HEATR1: variants seen among roughly 807,000 people sequenced by gnomAD.
The protein encoded by HEATR1 is HEAT repeat-containing protein 1.
Under a neutral mutation model 248.2 loss-of-function variants are expected in HEATR1, and 77 were observed. The observed-to-expected ratio is 0.31, with a 90% confidence interval of 0.26 to 0.37. HEATR1 has a LOEUF of 0.37. HEATR1 is among the 10% of genes least tolerant of loss of function. The pLI, the probability that HEATR1 is intolerant of heterozygous loss-of-function variation, is 1.00. For missense variants in HEATR1, 2,420 were observed against 2,504.9 expected, an observed-to-expected ratio of 0.97 and a Z score of 0.72; for synonymous variants, 897 against 923.1, an observed-to-expected ratio of 0.97 and a Z score of 0.51.
At position 236,572,927 on chromosome 1, in the gene HEATR1, G is replaced by A. The variant is rs138741703; in HGVS notation, c.3460-99C>T. 22 of 1,091,406 alleles carry A rather than the reference G, an allele frequency of 2.0e-5. No individual in the cohort carries two copies. The East Asian group carries it at 5.2e-4, about 26-fold the overall frequency. The allele number at this position is 1,091,406 out of a possible 1,614,324, so 67.6% of individuals were successfully genotyped here. ...TAGGAAGGATTTATTCAATTAAGAG[G>A]GAAGAATGACTTACTGGATATGCAT... On this transcript the variant is annotated intron_variant, in intron 24 of 44. Coordinates refer to ENST00000366582, the MANE Select transcript of HEATR1 (RefSeq NM_018072.6).
At chr1:236,587,381 T>G (rs746330110) in intron 14 of HEATR1, 21 bp downstream of exon 14, 19 of 1,174,258 alleles carry the variant, frequency 1.6e-5, no homozygotes, top group South Asian at 1.6e-4. Flanking sequence ...CAAAATAGTA[T>G]GAGGAGAAAT....
chr1:236,561,506 G>GA (rs1663133411), intron 32 of HEATR1, among the ~76,000 whole-genome samples: 1 of 152,130 alleles, frequency 6.6e-6, no homozygotes, highest in African/African-American at 2.4e-5. Flanking sequence ...CAATGGTTCA[G>GA]AAAAATACAG....
intron 41 of HEATR1, among the ~76,000 whole-genome samples, chr1:236,554,954 C>A (rs1456941828): frequency 6.6e-6 from 1 of 152,212 alleles, no homozygotes; most frequent in Admixed American, 6.5e-5. Context: ...TTCTAACACT[C>A]ACTCTGGCAA....
At chr1:236,597,110 G>GC (rs1009842910) in intron 5 of HEATR1, 134 bp from the exon 6 acceptor site, 2 of 539,154 alleles carry the variant, frequency 3.7e-6, no homozygotes, top group African/African-American at 4.0e-5. Flanking sequence ...GGGCGACAAA[G>GC]CAAGTCCATG....
intron 17 of HEATR1, among the ~76,000 whole-genome samples, chr1:236,584,299 A>G (rs1393685210): frequency 1.3e-5 from 2 of 152,230 alleles, no homozygotes; most frequent in Admixed American, 6.5e-5. Context: ...AAAGTTAAGA[A>G]GGGCCTATCT....
Position 236,583,137 on chromosome 1 carries a change from C to T in HEATR1, c.2301G>A (p.Leu767=), listed in dbSNP as rs750562688. ...LMLDRGIPVE[L]WAHYVEELNS... ...TGAGCTCTTCTACATAATGTGCCCACAGCTCCACTGGGATCCCTCTGTCTA... is the reference window on the plus strand; with the variant it reads ...TGAGCTCTTCTACATAATGTGCCCATAGCTCCACTGGGATCCCTCTGTCTA... Residue 767 remains leucine (L), a synonymous_variant, in exon 18 of 45, where the codon CTG becomes CTA. Transcript: ENST00000366582. 5.0e-6 allele frequency: 8 copies of T among 1,613,968 alleles called. No individual in the cohort carries two copies. In the African/African-American group the frequency reaches 1.1e-4, roughly 22 times the overall value.
intron 28 of HEATR1, among the ~76,000 whole-genome samples, chr1:236,570,155 G>A (rs1327920096): frequency 1.3e-5 from 2 of 152,168 alleles, no homozygotes; most frequent in Admixed American, 6.5e-5. Flanking sequence ...CGGGCGTGGT[G>A]GCGGGTGCCT....
In HEATR1 at chr1:236,599,561, T is replaced by C. The variant is rs770576568; in HGVS notation, c.423A>G (p.Thr141=). ...LIACVLPYHE[T]RIFVRVIQLL... is the part of the protein sequence containing the mutation. Reference sequence around the variant, plus strand: ...GCTGTATGACTCGCACAAATATTCTTGTCTCGTGGTATGGCAGAACACAAG... The same window carrying C: ...GCTGTATGACTCGCACAAATATTCTCGTCTCGTGGTATGGCAGAACACAAG... Residue 141 remains threonine (T), a synonymous_variant, in exon 4 of 45, where the codon ACA becomes ACG. Coordinates refer to ENST00000366582, the MANE Select transcript of HEATR1 (RefSeq NM_018072.6). The C allele has an allele frequency of 6.2e-7, 1 of 1,613,698 alleles. No homozygotes were observed. Among genetic ancestry groups the C allele is most frequent in the African/African-American group, 1.3e-5 (1 of 74,920 alleles).
chr1:236,581,478 C>T (rs1022542879), intron 19 of HEATR1, 64 bp from the exon 20 acceptor site: 19 of 1,161,744 alleles, frequency 1.6e-5, no homozygotes, highest in Non-Finnish European at 2.3e-5. Context: ...TCCAAATCCT[C>T]TTCTCACTAG....
intron 12 of HEATR1, among the ~76,000 whole-genome samples, chr1:236,589,949 A>G (rs1439024610): frequency 3.9e-5 from 6 of 152,262 alleles, no homozygotes; most frequent in Admixed American, 3.9e-4. Flanking sequence ...GTAATTTGTA[A>G]TTTAGCAAAA....
rs571593618 is a variant in HEATR1, at chr1:236,550,576, C to T, written c.*326G>A. On this transcript the variant is annotated 3_prime_UTR_variant, in exon 45 of 45. Transcript: ENST00000366582. ...GTTAAGGCTTACAGTGCAAATGAGG[C>T]GTCAGCTTTGGGTGCTAAAATTAAC... is the stretch of plus-strand genomic sequence containing the variant. The T allele has an allele frequency of 1.1e-4, 26 of 239,720 alleles. No individual in the cohort carries two copies. The highest frequency in any genetic ancestry group is 3.5e-4 in the South Asian group (3 of 8,658). The allele number at this position is 239,720 out of a possible 1,614,324, so 14.8% of individuals were successfully genotyped here. A position where few individuals can be genotyped will look rare whatever the true frequency, so the allele number is the denominator to read the frequency against.
chr1:236,599,430 C>T, intron 4 of HEATR1, 53 bp downstream of exon 4: 2 of 1,468,838 alleles, frequency 1.4e-6, no homozygotes, highest in Non-Finnish European at 1.8e-6. Flanking sequence ...CTAATTAAAT[C>T]CCTTAATCAA....
At position 236,582,864 on chromosome 1, in the gene HEATR1, A is replaced by G. The variant is rs757902623; in HGVS notation, c.2434T>C (p.Trp812Arg). ...TCTTTCAGTTGTTCAGGATTCCACC[A>G]TATATCACCTACAAGGACATGGAAA... is the stretch of plus-strand genomic sequence containing the variant. ...APKSFPKGDI[W>R]WNPEQLKEDS... The change falls in exon 19 of 45, where the codon TGG (tryptophan) becomes CGG (arginine). Residue 812 changes from tryptophan (W) to arginine (R), a missense_variant. Transcript: ENST00000366582. 6.2e-7 allele frequency: 1 copy of G among 1,614,124 alleles called. No individual in the cohort carries two copies. The highest frequency in any genetic ancestry group is 1.1e-5 in the South Asian group (1 of 91,086).
Position 236,603,209 on chromosome 1 carries a change from A to C in HEATR1, c.310T>G (p.Tyr104Asp). ...TTCTGTGCTGGCTTAAGCAGGAAGT[A>C]AGGCGACAAGTGAATAAGGAATAAT... is the stretch of plus-strand genomic sequence containing the variant. ...ISLFLIHLSP[Y>D]FLLKPAQKCL... Residue 104 changes from tyrosine to aspartate, a missense_variant, in exon 3 of 45, where the codon TAC (tyrosine) becomes GAC (aspartate). By Grantham distance (160) the Tyr-to-Asp change is radical (BLOSUM62 -3). Transcript: ENST00000366582. 6.2e-7 allele frequency: 1 copy of C among 1,614,168 alleles called. No homozygotes were observed. Among genetic ancestry groups the C allele is most frequent in the Non-Finnish European group, 8.5e-7 (1 of 1,180,006 alleles).
intron 17 of HEATR1, among the ~76,000 whole-genome samples, chr1:236,583,834 GA>G (rs1198749884): frequency 6.6e-6 from 1 of 152,132 alleles, no homozygotes; most frequent in Non-Finnish European, 1.5e-5. Context: ...GGATTGCCAA[GA>G]CATAGTTAAA....
intron 17 of HEATR1, among the ~76,000 whole-genome samples, 190 bp from the exon 18 acceptor site, chr1:236,583,386 T>C (rs1243347307): frequency 1.3e-5 from 2 of 152,192 alleles, no homozygotes; most frequent in Non-Finnish European, 2.9e-5. Flanking sequence ...CAAAGTTAAA[T>C]TTTATCTATG....
chr1:236,571,239 G>C, intron 28 of HEATR1, 112 bp downstream of exon 28: 1 of 1,301,572 alleles, frequency 7.7e-7, no homozygotes, highest in Non-Finnish European at 1.0e-6. Flanking sequence ...CACCAGTGCT[G>C]GAAGATTCCA....
In HEATR1 at chr1:236,569,094, A is replaced by G. The variant is rs1259418348; in HGVS notation, c.3979T>C (p.Phe1327Leu). 6.2e-7 allele frequency: 1 copy of G among 1,600,668 alleles called. No individual in the cohort carries two copies. The part of the protein sequence containing the change: ...DKVLHNIMSI[F>L]TFMGANVMRL... ...ATGACATTGGCTCCCATAAATGTAAAAATAGACATGATATTGTGTAAAACT... is the reference window on the plus strand; with the variant it reads ...ATGACATTGGCTCCCATAAATGTAAGAATAGACATGATATTGTGTAAAACT... The change falls in exon 29 of 45, where the codon TTT becomes CTT. Residue 1327 changes from phenylalanine to leucine, a missense_variant. Transcript: ENST00000366582.
At position 236,571,215 on chromosome 1, in the gene HEATR1, A is replaced by G. The variant is rs191646175; in HGVS notation, c.3948+136T>C. ...TATACAGTCCCAGCTATGAAGAGGCAGGGCTGAGAGTCTCACCAGTGCTGG... is the reference window on the plus strand; with the variant it reads ...TATACAGTCCCAGCTATGAAGAGGCGGGGCTGAGAGTCTCACCAGTGCTGG... On this transcript the variant is annotated intron_variant, in intron 28 of 44. Transcript: ENST00000366582. 3,359 of 1,061,980 alleles carry G rather than the reference A, an allele frequency of 3.2e-3. 14 individuals are homozygous for G. The highest frequency in any genetic ancestry group is 3.8e-3 in the Non-Finnish European group (2,865 of 756,366). 65.8% of individuals were successfully genotyped at this position (1,061,980 alleles called of 1,614,324 possible). A position where few individuals can be genotyped will look rare whatever the true frequency, so the allele number is the denominator to read the frequency against.
Sources: allele counts gnomAD v4.1 joint callset (sites outside exome capture counted in the v4.1 genomes callset), GRCh38; gene constraint gnomAD v4.1.1; transcripts MANE v1.5; gene names NCBI Gene and HGNC (gene_info 2026-07-23, HGNC 2026-07-21).